CDH4: variants seen among roughly 807,000 people sequenced by gnomAD.
CDH4 encodes cadherin-4.
Under a neutral mutation model 86.0 loss-of-function variants are expected in CDH4, and 33 were observed. The observed-to-expected ratio is 0.38, with a 90% CI of 0.29 to 0.51. The LOEUF is 0.51. Ranked by LOEUF, CDH4 falls within the 20% of genes least tolerant of loss-of-function variation. The pLI is 0.86. For synonymous variants in CDH4, 555 were observed against 549.4 expected (o/e 1.01, Z -0.14); for missense variants, 1,114 against 1,307.4 (o/e 0.85, Z 2.28).
At chr20:61,862,625 G>A (rs937426421) in intron 6 of CDH4, among the ~76,000 whole-genome samples, 6 of 152,154 alleles carry the variant, frequency 3.9e-5, no homozygotes, top group Admixed American at 1.3e-4. Context: ...GTTTTCCACC[G>A]CTGTCCCCCG....
intron 4 of CDH4, among the ~76,000 whole-genome samples, 180 bp from the exon 5 acceptor site, chr20:61,844,488 A>T (rs1600705609): frequency 1.3e-5 from 2 of 151,628 alleles, no homozygotes; most frequent in Admixed American, 1.3e-4. Context: ...TCTCAGTGAA[A>T]CCCTGACCAC....
chr20:61,498,486 A>C (rs2085678258), intron 2 of CDH4, among the ~76,000 whole-genome samples: 1 of 152,178 alleles, frequency 6.6e-6, no homozygotes, highest in South Asian at 2.1e-4. Context: ...CTCACTGCTG[A>C]ATTTTTAAAA....
chr20:61,272,768 T>C (rs139498311), intron 2 of CDH4, among the ~76,000 whole-genome samples: 118 of 148,470 alleles, frequency 7.9e-4, no homozygotes, highest in African/African-American at 2.7e-3. Context: ...CATGCGTAGT[T>C]TGGGGGAGTA....
At chr20:61,760,793 G>A (rs574324746) in intron 3 of CDH4, among the ~76,000 whole-genome samples, 4 of 152,302 alleles carry the variant, frequency 2.6e-5, no homozygotes, top group Admixed American at 1.3e-4. Flanking sequence ...TAAGAAATTC[G>A]GTGGTGCTCG....
chr20:61,292,636 C>G (rs2084329102), intron 2 of CDH4, among the ~76,000 whole-genome samples: 1 of 152,256 alleles, frequency 6.6e-6, no homozygotes, highest in Non-Finnish European at 1.5e-5. Flanking sequence ...GCCCCAGCTG[C>G]CAACAGCACT....
At chr20:61,361,718 G>C (rs28718605) in intron 2 of CDH4, among the ~76,000 whole-genome samples, 4 of 152,346 alleles carry the variant, frequency 2.6e-5, no homozygotes, top group Non-Finnish European at 4.4e-5. Flanking sequence ...GCCCGAGTCA[G>C]GAAAGCGGTG....
chr20:61,415,677 T>A (rs1273210619), intron 2 of CDH4, among the ~76,000 whole-genome samples: 5 of 152,182 alleles, frequency 3.3e-5, no homozygotes, highest in Admixed American at 6.5e-5. Context: ...GTCCTTAAAG[T>A]TCACCCATGT....
At chr20:61,422,398 T>C (rs1257259341) in intron 2 of CDH4, among the ~76,000 whole-genome samples, 1 of 112,846 alleles carries the variant, frequency 8.9e-6, no homozygotes, top group East Asian at 2.6e-4. Context: ...CACTCCAGCC[T>C]GGGCAATAAG....
At chr20:61,725,439 A>G (rs6121781) in intron 2 of CDH4, among the ~76,000 whole-genome samples, 54,315 of 152,078 alleles carry the variant, frequency 0.36, 10,481 homozygotes, top group South Asian at 0.54. Context: ...GCCTGGGAGC[A>G]GGGAGCACTG....
chr20:61,565,321 G>GGTGGTC lies in CDH4; in HGVS notation c.170-178242_170-178241insGTGGTC, dbSNP rs1391946036. On this transcript the variant is annotated intron_variant, in intron 2 of 15. Coordinates refer to ENST00000614565, the MANE Select transcript of CDH4 (RefSeq NM_001794.5). ...TGGCGGTGCTCTTGGTGGTGGCGGT[G>GGTGGTC]CTCTTGGTGATGGTGGTAGTGGTCC... 4.0e-5 allele frequency among the ~76,000 whole-genome samples: 4 copies of GGTGGTC among 100,202 alleles called. 1 individual carries two copies. Among genetic ancestry groups the GGTGGTC allele is most frequent in the Non-Finnish European group, 9.2e-5 (4 of 43,246 alleles). The allele number at this position is 100,202 out of a possible 152,430, so 65.7% of individuals were successfully genotyped here. A position where few individuals can be genotyped will look rare whatever the true frequency, so the allele number is the denominator to read the frequency against.
intron 4 of CDH4, among the ~76,000 whole-genome samples, chr20:61,780,787 G>T (rs534997399): frequency 6.6e-6 from 1 of 152,242 alleles, no homozygotes; most frequent in African/African-American, 2.4e-5. Context: ...TGGGTGAGAC[G>T]TGTGTGCAGG....
intron 6 of CDH4, among the ~76,000 whole-genome samples, chr20:61,868,264 G>A (rs1165117072): frequency 1.3e-5 from 2 of 152,182 alleles, no homozygotes; most frequent in South Asian, 4.1e-4. Flanking sequence ...TCTGTGTTCC[G>A]TGGTACAGAG....
At chr20:61,566,808 C>T (rs928290771) in intron 2 of CDH4, among the ~76,000 whole-genome samples, 29 of 152,202 alleles carry the variant, frequency 1.9e-4, no homozygotes, top group Admixed American at 1.6e-3. Flanking sequence ...CAACAGCTCG[C>T]TTATCGGTCA....
chr20:61,924,136 T>C (rs1600779511), intron 10 of CDH4, among the ~76,000 whole-genome samples, 198 bp from the exon 11 acceptor site: 1 of 149,832 alleles, frequency 6.7e-6, no homozygotes, highest in African/African-American at 2.4e-5. Context: ...TGGCCTGTCC[T>C]GTTGTGGGGC....
At chr20:61,347,166 G>A (rs932603206) in intron 2 of CDH4, among the ~76,000 whole-genome samples, 3 of 152,222 alleles carry the variant, frequency 2.0e-5, no homozygotes, top group Non-Finnish European at 4.4e-5. Context: ...CCTGACCTCT[G>A]TGGGAGACCA....
At chr20:61,331,374 G>A (rs985205234) in intron 2 of CDH4, among the ~76,000 whole-genome samples, 3 of 152,036 alleles carry the variant, frequency 2.0e-5, no homozygotes, top group Non-Finnish European at 4.4e-5. Context: ...TGCTTGCTTA[G>A]CCTCTGTGTC....
chr20:61,872,333 G>A (rs1366100735), intron 6 of CDH4, among the ~76,000 whole-genome samples: 1 of 152,198 alleles, frequency 6.6e-6, no homozygotes, highest in African/African-American at 2.4e-5. Context: ...TCAGTCCAGA[G>A]GGCCAGGACG....
chr20:61,927,545 G>C (rs547181278), intron 11 of CDH4, among the ~76,000 whole-genome samples: 5 of 152,224 alleles, frequency 3.3e-5, no homozygotes, highest in Admixed American at 2.0e-4. Context: ...GTTCTTCCAC[G>C]CGATCATGCG....
Position 61,303,551 on chromosome 20 carries a change from G to A in CDH4, c.169+48614G>A, listed in dbSNP as rs78889605. Among the ~76,000 whole-genome samples the A allele has an allele frequency of 9.0e-3, 1,373 of 152,338 alleles. 27 individuals are homozygous for A. Among genetic ancestry groups the A allele is most frequent in the African/African-American group, 0.032 (1,312 of 41,564 alleles). On this transcript the variant is annotated intron_variant, in intron 2 of 15. Coordinates refer to ENST00000614565, the MANE Select transcript of CDH4 (RefSeq NM_001794.5). The stretch of plus-strand genomic sequence containing the variant: ...CTCCTGGGTTCCCAGCAAGGCTGCA[G>A]CAGCAGGACAGGGATCCAGGTGGGC...
Sources: allele counts gnomAD v4.1 joint callset (sites outside exome capture counted in the v4.1 genomes callset), GRCh38; gene constraint gnomAD v4.1.1; transcripts MANE v1.5; gene names NCBI Gene and HGNC (gene_info 2026-07-23, HGNC 2026-07-21).